Variants in UBE2Z observed in about 807,000 individuals in gnomAD.
UBE2Z encodes the protein ubiquitin conjugating enzyme E2 Z.
Under a neutral mutation model 32.6 loss-of-function variants are expected in UBE2Z, and 10 were observed. The observed-to-expected ratio is 0.31, with a 90% CI of 0.19 to 0.52. UBE2Z has a LOEUF of 0.52. Among genes scored for constraint, UBE2Z ranks in the 20% least tolerant of loss-of-function variants. The pLI is 0.97. For missense variants in UBE2Z, 343 were observed against 480.9 expected, an observed-to-expected ratio of 0.71 and a Z score of 2.68; for synonymous variants, 183 against 190.8, an observed-to-expected ratio of 0.96 and a Z score of 0.34.
intron 6 of UBE2Z, among the ~76,000 whole-genome samples, chr17:48,926,091 A>G (rs2040796236): frequency 6.6e-6 from 1 of 152,216 alleles, no homozygotes; most frequent in Non-Finnish European, 1.5e-5. Flanking sequence ...ATCTAGAACA[A>G]GAAGGACTAA....
At position 48,927,214 on chromosome 17, in the gene UBE2Z, T is replaced by C. The variant is rs559871901; in HGVS notation, c.*80T>C. ...CCCCACCCCAGGGATGGAGAGGCACTGTGTATCTCCCTCCAGACTCGAAGT... is the reference window on the plus strand; with the variant it reads ...CCCCACCCCAGGGATGGAGAGGCACCGTGTATCTCCCTCCAGACTCGAAGT... On this transcript the variant is annotated 3_prime_UTR_variant, in exon 7 of 7. Coordinates refer to ENST00000360943, the MANE Select transcript of UBE2Z (RefSeq NM_023079.5). 3.5e-6 allele frequency: 5 copies of C among 1,415,272 alleles called. No individual in the cohort carries two copies. The highest frequency in any genetic ancestry group is 4.9e-6 in the Non-Finnish European group (5 of 1,026,982). The allele number at this position is 1,415,272 out of a possible 1,614,324, so 87.7% of individuals were successfully genotyped here. A position where few individuals can be genotyped will look rare whatever the true frequency, so the allele number is the denominator to read the frequency against.
At chr17:48,923,320 CAAAAAAAAAAAAAA>C (rs56100763) in intron 6 of UBE2Z, among the ~76,000 whole-genome samples, 4 of 102,084 alleles carry the variant, frequency 3.9e-5, no homozygotes, top group East Asian at 2.2e-4. Context: ...GACTCTGTCT[CAAAAAAAAAAAAAA>C]AAAAAAAAAA....
intron 6 of UBE2Z, among the ~76,000 whole-genome samples, chr17:48,924,521 G>A (rs1030427473): frequency 6.7e-6 from 1 of 149,702 alleles, no homozygotes; most frequent in Non-Finnish European, 1.5e-5. Context: ...ATTTAGGCTT[G>A]TTTTAAGGAA....
At chr17:48,926,929 T>G in intron 6 of UBE2Z, 35 bp from the exon 7 acceptor site, 1 of 1,594,122 alleles carries the variant, frequency 6.3e-7, no homozygotes, top group Non-Finnish European at 8.6e-7. Context: ...CACCCAGACT[T>G]GAATCTTCCA....
Position 48,908,760 on chromosome 17 carries a change from C to T in UBE2Z, c.257C>T (p.Thr86Met), listed in dbSNP as rs1251462603. The part of the protein sequence containing the change: ...GAALLSHWDP[T>M]LSSDWDGERT... ...GCGCTGCTTAGCCACTGGGACCCCA[C>T]GCTCAGCTCCGACTGGGACGGCGAG... Residue 86 changes from threonine to methionine, a missense_variant, in exon 1 of 7, where the codon ACG becomes ATG. By Grantham distance (81) the Thr-to-Met change is moderately conservative. This residue lies in a region of UBE2Z where 55 missense variants were observed against 56.2 expected (regional missense o/e 0.98). Transcript: ENST00000360943. 1.3e-6 allele frequency: 2 copies of T among 1,501,786 alleles called. No individual in the cohort carries two copies. Among genetic ancestry groups the T allele is most frequent in the Non-Finnish European group, 1.8e-6 (2 of 1,130,098 alleles). The allele number at this position is 1,501,786 out of a possible 1,614,324, so 93.0% of individuals were successfully genotyped here. A position where few individuals can be genotyped will look rare whatever the true frequency, so the allele number is the denominator to read the frequency against.
chr17:48,917,442 A>G (rs1402818114), intron 4 of UBE2Z, among the ~76,000 whole-genome samples: 1 of 152,130 alleles, frequency 6.6e-6, no homozygotes, highest in African/African-American at 2.4e-5. Flanking sequence ...TGTGGCATCC[A>G]GTGGGTTCTA....
chr17:48,917,395 A>T (rs2040728398), intron 4 of UBE2Z, among the ~76,000 whole-genome samples: 1 of 151,958 alleles, frequency 6.6e-6, no homozygotes, highest in Admixed American at 6.6e-5. Flanking sequence ...AAGTCAATGG[A>T]CTCCTTTGGA....
intron 2 of UBE2Z, 49 bp from the exon 3 acceptor site, chr17:48,912,785 T>TGG (rs764782715): frequency 6.2e-7 from 1 of 1,603,690 alleles, no homozygotes; most frequent in Non-Finnish European, 8.5e-7. Context: ...CAGGAGGGCT[T>TGG]GGGGTGGGTC....
chr17:48,927,426 A>C lies in UBE2Z; in HGVS notation c.*292A>C. 3.0e-6 allele frequency: 1 copy of C among 337,784 alleles called. No individual in the cohort carries two copies. The highest frequency in any genetic ancestry group is 5.7e-6 in the Non-Finnish European group (1 of 176,766). 20.9% of individuals were successfully genotyped at this position (337,784 alleles called of 1,614,324 possible). A position where few individuals can be genotyped will look rare whatever the true frequency, so the allele number is the denominator to read the frequency against. On this transcript the variant is annotated 3_prime_UTR_variant, in exon 7 of 7. Coordinates refer to ENST00000360943, the MANE Select transcript of UBE2Z (RefSeq NM_023079.5). ...GAGGGCCTTTGGCAAAAACAAAACA[A>C]CCAACACACCTCTCCACAGGGCCAG...
intron 3 of UBE2Z, among the ~76,000 whole-genome samples, chr17:48,914,537 G>A (rs990727032): frequency 2.0e-5 from 3 of 152,212 alleles, no homozygotes; most frequent in Non-Finnish European, 2.9e-5. Context: ...TGATGATAAA[G>A]AAATTTAGTC....
chr17:48,921,494 C>T (rs1462900738), intron 5 of UBE2Z, among the ~76,000 whole-genome samples: 2 of 152,072 alleles, frequency 1.3e-5, no homozygotes, highest in East Asian at 2.0e-4. Flanking sequence ...AGTCCACACG[C>T]TCAGGGAGCT....
chr17:48,926,864 CAGA>C, intron 6 of UBE2Z, 97 bp from the exon 7 acceptor site: 1 of 1,345,746 alleles, frequency 7.4e-7, no homozygotes, highest in Non-Finnish European at 1.0e-6. Flanking sequence ...TCCCATGGCT[CAGA>C]AGTTGAGCTT....
chr17:48,910,942 G>A lies in UBE2Z; in HGVS notation c.390+62G>A, dbSNP rs1220352594. On this transcript the variant is annotated intron_variant, in intron 2 of 6. Coordinates refer to ENST00000360943, the MANE Select transcript of UBE2Z (RefSeq NM_023079.5). ...AATTGGGGGCCATAAGGTTGCAAAA[G>A]CCTAAAAGAGATTATTCAGCTCACC... 5 of 1,322,280 alleles carry A rather than the reference G, an allele frequency of 3.8e-6. No individual in the cohort carries two copies. The African/African-American group carries it at 7.2e-5, about 19-fold the overall frequency. The allele number at this position is 1,322,280 out of a possible 1,614,324, so 81.9% of individuals were successfully genotyped here.
intron 2 of UBE2Z, chr17:48,911,236 C>A: frequency 4.5e-6 from 1 of 221,826 alleles, no homozygotes; most frequent in African/African-American, 2.2e-5. Flanking sequence ...TCCCCCATCC[C>A]GTTACTCTTG....
intron 6 of UBE2Z, among the ~76,000 whole-genome samples, chr17:48,926,164 C>A (rs924644892): frequency 7.2e-5 from 11 of 152,060 alleles, no homozygotes; most frequent in Middle Eastern, 3.2e-3. Flanking sequence ...AGTGACGAGT[C>A]CCTGGGGAGG....
chr17:48,918,381 TG>T (rs1460186729), intron 4 of UBE2Z, among the ~76,000 whole-genome samples: 3 of 152,264 alleles, frequency 2.0e-5, no homozygotes, highest in African/African-American at 7.2e-5. Context: ...TCACTCAGGC[TG>T]GAGTGCAGTG....
At chr17:48,910,967 C>A in intron 2 of UBE2Z, 87 bp downstream of exon 2, 1 of 1,062,108 alleles carries the variant, frequency 9.4e-7, no homozygotes, top group Non-Finnish European at 1.5e-6. Flanking sequence ...TTCAGCTCAC[C>A]TCTCCGATTA....
chr17:48,927,380 CT>C lies in UBE2Z; in HGVS notation c.*249del. The C allele has an allele frequency of 2.1e-6, 1 of 484,772 alleles. No homozygotes were observed. The highest frequency in any genetic ancestry group is 3.7e-6 in the Non-Finnish European group (1 of 266,966). 30.0% of individuals were successfully genotyped at this position (484,772 alleles called of 1,614,324 possible). On this transcript the variant is annotated 3_prime_UTR_variant, in exon 7 of 7. Coordinates refer to ENST00000360943, the MANE Select transcript of UBE2Z (RefSeq NM_023079.5). Reference sequence around the variant, plus strand: ...CATCCCGTATCAGGGGCCAAGGTACCTTTACAGGAGCACCTAGAGCGAGGGC... The same window carrying C: ...CATCCCGTATCAGGGGCCAAGGTACCTTACAGGAGCACCTAGAGCGAGGGC...
Position 48,919,082 on chromosome 17 carries a change from C to T in UBE2Z, c.691-2078C>T, listed in dbSNP as rs193265941. On this transcript the variant is annotated intron_variant, in intron 4 of 6. Transcript: ENST00000360943. ...TATTTTTTACTTCCAGAATGACTTG[C>T]AGTTGTTTTTATTTTATTTATTTAT... 1.2e-3 allele frequency among the ~76,000 whole-genome samples: 177 copies of T among 151,302 alleles called. 1 individual carries two copies. The highest frequency in any genetic ancestry group is 3.7e-3 in the Admixed American group (56 of 15,156).
Sources: allele counts gnomAD v4.1 joint callset (sites outside exome capture counted in the v4.1 genomes callset), GRCh38; gene constraint gnomAD v4.1.1; regional missense constraint gnomAD v4.1.1; transcripts MANE v1.5; gene names NCBI Gene and HGNC (gene_info 2026-07-23, HGNC 2026-07-21).